Variants in NBAS observed in about 807,000 individuals in gnomAD.
NBAS encodes the protein NBAS subunit of NRZ tethering complex.
NBAS carries 219 observed loss-of-function variants against 302.5 expected under a neutral mutation model. That is an observed-to-expected ratio of 0.72 (90% confidence interval 0.65 to 0.81). The LOEUF is 0.81. Among genes scored for constraint, NBAS ranks in the 30% least tolerant of loss-of-function variants. The pLI, the probability that NBAS is intolerant of heterozygous loss-of-function variation, is 0.00. For missense variants in NBAS, 2,932 were observed against 2,841.6 expected (o/e 1.03, Z -0.72); for synonymous variants, 1,118 against 1,021.6 (o/e 1.09, Z -1.80).
chr2:15,293,896 C>T (rs1426702279), intron 40 of NBAS, among the ~76,000 whole-genome samples: 1 of 126,820 alleles, frequency 7.9e-6, no homozygotes, highest in Non-Finnish European at 1.6e-5. Context: ...GAGTAAAAGT[C>T]AATCTTACTA....
the NBAS span, among the ~76,000 whole-genome samples, chr2:15,108,190 A>G: frequency 6.6e-6 from 1 of 152,088 alleles, no homozygotes; most frequent in East Asian, 1.9e-4. Flanking sequence ...TCATTTCTCT[A>G]AGGAGTGGAA....
chr2:14,817,422 G>C, the NBAS span, among the ~76,000 whole-genome samples: 1 of 148,274 alleles, frequency 6.7e-6, no homozygotes, highest in African/African-American at 2.6e-5. Flanking sequence ...GCATGTGTCT[G>C]TTTGTCTGCC....
chr2:14,810,776 G>C, the NBAS span, among the ~76,000 whole-genome samples: 1 of 152,184 alleles, frequency 6.6e-6, no homozygotes, highest in Non-Finnish European at 1.5e-5. Flanking sequence ...CTGGCACATA[G>C]TAAAAGCATG....
At chr2:14,878,867 G>T in the NBAS span, among the ~76,000 whole-genome samples, 1 of 152,074 alleles carries the variant, frequency 6.6e-6, no homozygotes, top group Non-Finnish European at 1.5e-5. Context: ...CATGCTATGG[G>T]TTTAGACAAA....
At chr2:14,822,022 G>T in the NBAS span, among the ~76,000 whole-genome samples, 1 of 151,762 alleles carries the variant, frequency 6.6e-6, no homozygotes, top group African/African-American at 2.4e-5. Flanking sequence ...AACAGAGTGA[G>T]ACTCTGTCTC....
chr2:14,910,813 G>A, the NBAS span, among the ~76,000 whole-genome samples: 3 of 152,126 alleles, frequency 2.0e-5, no homozygotes, highest in Non-Finnish European at 4.4e-5. Flanking sequence ...CTTTGTTGGG[G>A]CTAAACTATT....
intron 26 of NBAS, among the ~76,000 whole-genome samples, chr2:15,401,943 A>G (rs1676173435): frequency 6.6e-6 from 1 of 152,122 alleles, no homozygotes; most frequent in Non-Finnish European, 1.5e-5. Flanking sequence ...CAAAATTCAG[A>G]ATTTAATTAT....
At chr2:15,466,644 A>C (rs1679734955) in intron 19 of NBAS, among the ~76,000 whole-genome samples, 1 of 152,008 alleles carries the variant, frequency 6.6e-6, no homozygotes, top group Non-Finnish European at 1.5e-5. Context: ...CCACTAACAA[A>C]TAATTAAAAT....
the NBAS span, among the ~76,000 whole-genome samples, chr2:14,805,879 C>T: frequency 6.6e-6 from 1 of 152,022 alleles, no homozygotes; most frequent in Admixed American, 6.6e-5. Flanking sequence ...TCTGTCTCCC[C>T]TTAATCTCTG....
the NBAS span, among the ~76,000 whole-genome samples, chr2:15,000,293 C>A: frequency 6.6e-6 from 1 of 152,180 alleles, no homozygotes; most frequent in Non-Finnish European, 1.5e-5. Flanking sequence ...CAAAAGCCAA[C>A]CACTTAGAAT....
intron 5 of NBAS, 21 bp downstream of exon 5, chr2:15,553,405 A>G (rs746304231): frequency 7.6e-6 from 12 of 1,583,510 alleles, no homozygotes; most frequent in Non-Finnish European, 1.0e-5. Context: ...AATCTTGAAT[A>G]TGAATAATAT....
chr2:15,184,043 C>T (rs1664954294), intron 50 of NBAS, among the ~76,000 whole-genome samples: 1 of 152,188 alleles, frequency 6.6e-6, no homozygotes, highest in African/African-American at 2.4e-5. Flanking sequence ...AAGTCATTTT[C>T]CGATAGGAAA....
chr2:14,786,894 A>G, the NBAS span, among the ~76,000 whole-genome samples: 5 of 152,066 alleles, frequency 3.3e-5, no homozygotes, highest in African/African-American at 7.2e-5. Context: ...TTTCTGTCTC[A>G]TTGATCTGTC....
chr2:14,921,580 T>C, the NBAS span, among the ~76,000 whole-genome samples: 238 of 152,322 alleles, frequency 1.6e-3, 1 homozygote, highest in African/African-American at 5.4e-3. Flanking sequence ...TGTGATGTCC[T>C]TTCTAATCCA....
At chr2:15,349,258 G>T (rs1288138737) in intron 35 of NBAS, among the ~76,000 whole-genome samples, 1 of 152,126 alleles carries the variant, frequency 6.6e-6, no homozygotes, top group Non-Finnish European at 1.5e-5. Flanking sequence ...TGAAAACTAG[G>T]TCTTCAATTG....
At chr2:15,488,782 G>A (rs911908498) in intron 12 of NBAS, 112 bp downstream of exon 12, 3 of 1,362,226 alleles carry the variant, frequency 2.2e-6, no homozygotes, top group African/African-American at 2.9e-5. Context: ...GAAGAGCTTT[G>A]GAACGATGAG....
chr2:15,142,813 A>G, the NBAS span, among the ~76,000 whole-genome samples: 5 of 152,182 alleles, frequency 3.3e-5, no homozygotes, highest in African/African-American at 1.2e-4. Flanking sequence ...TCTTAAGAGC[A>G]CCTTTGCTTT....
At chr2:15,358,239 G>A (rs761150911) in intron 32 of NBAS, among the ~76,000 whole-genome samples, 1 of 151,964 alleles carries the variant, frequency 6.6e-6, no homozygotes, top group Non-Finnish European at 1.5e-5. Context: ...CCTGCTCTTT[G>A]CCTAAAAACA....
intron 21 of NBAS, among the ~76,000 whole-genome samples, chr2:15,439,091 C>T (rs146230699): frequency 7.2e-5 from 11 of 151,972 alleles, no homozygotes; most frequent in Non-Finnish European, 1.2e-4. Flanking sequence ...GTCTGCAGAT[C>T]GAGACCATCC....
Sources: allele counts gnomAD v4.1 joint callset (sites outside exome capture counted in the v4.1 genomes callset), GRCh38; gene constraint gnomAD v4.1.1; transcripts MANE v1.5; gene names NCBI Gene and HGNC (gene_info 2026-07-23, HGNC 2026-07-21).